TADA2A: variants seen among roughly 807,000 people sequenced by gnomAD.
The protein encoded by TADA2A is transcriptional adapter 2-alpha.
Under a neutral mutation model 67.4 loss-of-function variants are expected in TADA2A, and 38 were observed. The observed-to-expected ratio is 0.56, with a 90% CI of 0.44 to 0.74. The LOEUF is 0.74. TADA2A is among the 30% of genes least tolerant of loss of function. TADA2A has a pLI of 0.00. For missense variants in TADA2A, 454 were observed against 547.0 expected (o/e 0.83, Z 1.70); for synonymous variants, 192 against 181.6 (o/e 1.06, Z -0.46).
Position 37,477,606 on chromosome 17 carries a change from A to T in TADA2A, c.*624A>T, listed in dbSNP as rs2148058082. On this transcript the variant is annotated 3_prime_UTR_variant, in exon 16 of 16. Transcript: ENST00000615182. ...CAGCCTCCCGAATAGCTGGGACTACAGGTGTCCACCACCACACCTGGCTAA... is the reference window on the plus strand; with the variant it reads ...CAGCCTCCCGAATAGCTGGGACTACTGGTGTCCACCACCACACCTGGCTAA... The T allele has an allele frequency of 6.6e-6, 1 of 152,126 alleles. No homozygotes were observed. The highest frequency in any genetic ancestry group is 2.4e-5 in the African/African-American group (1 of 41,440). 9.4% of individuals were successfully genotyped at this position (152,126 alleles called of 1,614,324 possible). A position where few individuals can be genotyped will look rare whatever the true frequency, so the allele number is the denominator to read the frequency against.
intron 8 of TADA2A, among the ~76,000 whole-genome samples, 189 bp downstream of exon 8, chr17:37,444,957 G>A (rs2053033029): frequency 6.6e-6 from 1 of 152,090 alleles, no homozygotes; most frequent in Non-Finnish European, 1.5e-5. Flanking sequence ...TGTGATGAGG[G>A]TAAAAATATT....
chr17:37,417,734 C>T (rs1343204152), intron 2 of TADA2A, among the ~76,000 whole-genome samples: 1 of 151,978 alleles, frequency 6.6e-6, no homozygotes, highest in Non-Finnish European at 1.5e-5. Context: ...GGGGTTTCGC[C>T]ATCTTGACCA....
At chr17:37,469,408 C>T (rs1358050950) in intron 12 of TADA2A, among the ~76,000 whole-genome samples, 4 of 151,570 alleles carry the variant, frequency 2.6e-5, no homozygotes, top group South Asian at 2.1e-4. Flanking sequence ...CCGAGGCGGG[C>T]GGATCACTTG....
rs781394213 is a variant in TADA2A at position 37,476,984 on chromosome 17, GC to G, written c.*3del. 6.3e-7 allele frequency: 1 copy of G among 1,599,960 alleles called. No homozygotes were observed. Among genetic ancestry groups the G allele is most frequent in the African/African-American group, 1.3e-5 (1 of 74,538 alleles). ...GAAGGATACATCACTAAAGGCTAAGGCTCCAAGAGCTTGGGATCAGAAGTCA... is the reference window on the plus strand; with the variant it reads ...GAAGGATACATCACTAAAGGCTAAGGTCCAAGAGCTTGGGATCAGAAGTCA... On this transcript the variant is annotated 3_prime_UTR_variant, in exon 16 of 16. Transcript: ENST00000615182.
chr17:37,418,884 T>A (rs879672172), intron 2 of TADA2A, among the ~76,000 whole-genome samples: 6,397 of 135,114 alleles, frequency 0.047, 571 homozygotes, highest in East Asian at 0.1. Context: ...CCACCGTGCC[T>A]GGCTATTTTT....
chr17:37,434,441 G>T (rs1415270068), intron 4 of TADA2A, among the ~76,000 whole-genome samples: 1 of 152,192 alleles, frequency 6.6e-6, no homozygotes, highest in African/African-American at 2.4e-5. Context: ...CAGCAGCCCG[G>T]AAGCTCCTCG....
chr17:37,412,682 C>A (rs1193323585), intron 2 of TADA2A, among the ~76,000 whole-genome samples: 3 of 151,608 alleles, frequency 2.0e-5, no homozygotes, highest in African/African-American at 7.3e-5. Flanking sequence ...TACACGGGAG[C>A]TGAGGCAGGA....
rs2148061551 is a variant in TADA2A at position 37,479,458 on chromosome 17, T to C, written c.*2476T>C. 6.6e-6 allele frequency: 1 copy of C among 152,322 alleles called. No individual in the cohort carries two copies. The highest frequency in any genetic ancestry group is 1.9e-4 in the East Asian group (1 of 5,186). 9.4% of individuals were successfully genotyped at this position (152,322 alleles called of 1,614,324 possible). A position where few individuals can be genotyped will look rare whatever the true frequency, so the allele number is the denominator to read the frequency against. ...ACTGGATTTTTGAAAGTAGGATTATTATTTCTTTGGTATACCGAACTTTGC... is the reference window on the plus strand; with the variant it reads ...ACTGGATTTTTGAAAGTAGGATTATCATTTCTTTGGTATACCGAACTTTGC... On this transcript the variant is annotated 3_prime_UTR_variant, in exon 16 of 16. Coordinates refer to ENST00000615182, the MANE Select transcript of TADA2A (RefSeq NM_001166105.3).
intron 8 of TADA2A, among the ~76,000 whole-genome samples, chr17:37,448,226 C>G (rs2053134862): frequency 1.3e-5 from 2 of 152,120 alleles, no homozygotes; most frequent in African/African-American, 4.8e-5. Flanking sequence ...CCACCAAGAC[C>G]TTTTCCTCAC....
chr17:37,462,234 C>A, intron 10 of TADA2A, 113 bp downstream of exon 10: 1 of 694,032 alleles, frequency 1.4e-6, no homozygotes, highest in South Asian at 1.9e-5. Flanking sequence ...GCCTGGCTAT[C>A]ACTCCAGACT....
chr17:37,424,705 C>T (rs1194249711), intron 3 of TADA2A, among the ~76,000 whole-genome samples: 1 of 151,744 alleles, frequency 6.6e-6, no homozygotes, highest in Admixed American at 6.6e-5. Flanking sequence ...TACAGGCATG[C>T]GCCACCACAC....
chr17:37,409,556 C>T (rs2051792162), intron 1 of TADA2A, among the ~76,000 whole-genome samples: 1 of 151,898 alleles, frequency 6.6e-6, no homozygotes, highest in Non-Finnish European at 1.5e-5. Context: ...CGCCTGAGGT[C>T]AGGAGTTCGA....
At chr17:37,407,632 CTT>C (rs1027458772) in intron 1 of TADA2A, 6 of 144,394 alleles carry the variant, frequency 4.2e-5, no homozygotes, top group Middle Eastern at 3.7e-3. Flanking sequence ...GCTTTTTTGC[CTT>C]TTTTTTTTTT....
At chr17:37,445,064 A>C (rs2053035773) in intron 8 of TADA2A, among the ~76,000 whole-genome samples, 1 of 152,204 alleles carries the variant, frequency 6.6e-6, no homozygotes, top group Non-Finnish European at 1.5e-5. Flanking sequence ...AATGGCCCTC[A>C]CTTGCATTCT....
chr17:37,411,293 T>C lies in TADA2A; in HGVS notation c.-73T>C. The C allele has an allele frequency of 6.9e-7, 1 of 1,442,520 alleles. No individual in the cohort carries two copies. The allele number at this position is 1,442,520 out of a possible 1,614,324, so 89.4% of individuals were successfully genotyped here. A position where few individuals can be genotyped will look rare whatever the true frequency, so the allele number is the denominator to read the frequency against. On this transcript the variant is annotated 5_prime_UTR_variant, in exon 2 of 16. Transcript: ENST00000615182. Reference sequence around the variant, plus strand: ...GGGAGTCATCAAGCTTTGGTGTATGTGTTGGCCGGTTCTGAAGTCTTGAAG... The same window carrying C: ...GGGAGTCATCAAGCTTTGGTGTATGCGTTGGCCGGTTCTGAAGTCTTGAAG...
rs771168288 is a variant in TADA2A at position 37,477,024 on chromosome 17, T to C, written c.*42T>C. The C allele has an allele frequency of 6.4e-7, 1 of 1,574,258 alleles. No homozygotes were observed. The highest frequency in any genetic ancestry group is 1.1e-5 in the South Asian group (1 of 87,390). ...GATCAGAAGTCAGAAGTTTGGAATG[T>C]GGTGGGTCAAAGGACAATATGGGTG... On this transcript the variant is annotated 3_prime_UTR_variant, in exon 16 of 16. Coordinates refer to ENST00000615182, the MANE Select transcript of TADA2A (RefSeq NM_001166105.3).
At chr17:37,418,260 G>T (rs2052113930) in intron 2 of TADA2A, among the ~76,000 whole-genome samples, 1 of 152,152 alleles carries the variant, frequency 6.6e-6, no homozygotes, top group South Asian at 2.1e-4. Flanking sequence ...TGAATGTCTG[G>T]TGGGACATTT....
chr17:37,458,547 A>G lies in TADA2A; in HGVS notation c.628A>G (p.Ile210Val). Residue 210 changes from isoleucine to valine, a missense_variant, in exon 9 of 16, where the codon ATC (isoleucine) becomes GTC (valine). By Grantham distance (29) the Ile-to-Val change is conservative. Coordinates refer to ENST00000615182, the MANE Select transcript of TADA2A (RefSeq NM_001166105.3). ...AGCTCTGAAGATGGCTGTGGTAGAT[A>G]TCTATCATTCCAGGTTAAAGGAGAG... Reference protein sequence around the residue: ...LHALKMAVVDIYHSRLKERQR... With the variant: ...LHALKMAVVDVYHSRLKERQR... 6.2e-7 allele frequency: 1 copy of G among 1,613,022 alleles called. No homozygotes were observed.
chr17:37,453,653 C>G (rs1426336506), intron 8 of TADA2A, among the ~76,000 whole-genome samples: 1 of 151,720 alleles, frequency 6.6e-6, no homozygotes, highest in African/African-American at 2.4e-5. Flanking sequence ...TTGGATCTCA[C>G]ATTCTTTGGA....
Sources: allele counts gnomAD v4.1 joint callset (sites outside exome capture counted in the v4.1 genomes callset), GRCh38; gene constraint gnomAD v4.1.1; transcripts MANE v1.5; gene names NCBI Gene and HGNC (gene_info 2026-07-23, HGNC 2026-07-21).